Variants in BNC2 observed in about 807,000 individuals in gnomAD.
BNC2 encodes zinc finger protein basonuclin-2.
A neutral mutation model predicts 76.3 loss-of-function variants in BNC2; 20 were observed. The ratio of observed to expected loss-of-function variants is 0.26; its 90% confidence interval spans 0.18 to 0.38. BNC2 has a LOEUF of 0.38. Among genes scored for constraint, BNC2 ranks in the 10% least tolerant of loss-of-function variants. The probability of loss-of-function intolerance (pLI) is 1.00; values close to 1 mark genes in which losing one functional copy is unlikely to be tolerated. For missense variants in BNC2, 1,382 were observed against 1,399.8 expected, an observed-to-expected ratio of 0.99 and a Z score of 0.20; for synonymous variants, 582 against 514.8, an observed-to-expected ratio of 1.13 and a Z score of -1.77.
intron 3 of BNC2, among the ~76,000 whole-genome samples, chr9:16,597,164 A>C (rs1009400170): frequency 2.0e-5 from 3 of 152,176 alleles, no homozygotes; most frequent in African/African-American, 7.2e-5. Flanking sequence ...AATTCCAATA[A>C]TTCTGAACTA....
At chr9:16,709,119 T>C (rs189241188) in intron 3 of BNC2, among the ~76,000 whole-genome samples, 2 of 152,282 alleles carry the variant, frequency 1.3e-5, no homozygotes, top group East Asian at 3.9e-4. Context: ...GTAGTTCTGC[T>C]GTTCTTTCCG....
At chr9:16,472,132 T>C (rs1407123070) in intron 5 of BNC2, among the ~76,000 whole-genome samples, 2 of 152,186 alleles carry the variant, frequency 1.3e-5, no homozygotes, top group Non-Finnish European at 2.9e-5. Flanking sequence ...TAATACATGA[T>C]TTTCTTAAGA....
At chr9:16,423,074 G>A (rs754642806) in intron 6 of BNC2, among the ~76,000 whole-genome samples, 5 of 152,146 alleles carry the variant, frequency 3.3e-5, no homozygotes, top group Non-Finnish European at 7.3e-5. Context: ...GAAACAGGAG[G>A]GGGACTCCCT....
chr9:16,599,768 G>A (rs1267354439), intron 3 of BNC2, among the ~76,000 whole-genome samples: 1 of 152,188 alleles, frequency 6.6e-6, no homozygotes, highest in Non-Finnish European at 1.5e-5. Flanking sequence ...AGGCGAAAGA[G>A]CGAGTCTCCA....
rs149268003 is a variant in BNC2, at chr9:16,538,049, C to T, written c.669+14481G>A. ...TCTTTGATAATTTTGATACTCCAGA[C>T]GTCTCTTTGTCAAAGTTATCCTAAA... On this transcript the variant is annotated intron_variant, in intron 5 of 6. Transcript: ENST00000380672. Among the ~76,000 whole-genome samples the T allele has an allele frequency of 1.1e-4, 17 of 152,242 alleles. No individual in the cohort carries two copies. The East Asian group carries it at 2.3e-3, about 21-fold the overall frequency.
At chr9:16,675,765 C>G (rs549825295) in intron 3 of BNC2, among the ~76,000 whole-genome samples, 1 of 152,088 alleles carries the variant, frequency 6.6e-6, no homozygotes, top group African/African-American at 2.4e-5. Context: ...GGTTACATAA[C>G]TTAAGTAATT....
At chr9:16,507,677 T>A (rs1314257849) in intron 5 of BNC2, among the ~76,000 whole-genome samples, 1 of 152,222 alleles carries the variant, frequency 6.6e-6, no homozygotes, top group Non-Finnish European at 1.5e-5. Context: ...TCCGCCTGCC[T>A]TGGCTTCCCA....
chr9:16,573,861 C>T (rs536606337), intron 4 of BNC2, among the ~76,000 whole-genome samples: 15 of 152,138 alleles, frequency 9.9e-5, no homozygotes, highest in Admixed American at 3.3e-4. Context: ...ATATAAACAT[C>T]TACAAAGGCA....
chr9:16,591,459 C>T (rs1819926727), intron 3 of BNC2, among the ~76,000 whole-genome samples: 1 of 152,098 alleles, frequency 6.6e-6, no homozygotes, highest in African/African-American at 2.4e-5. Context: ...TTATTAACAA[C>T]CTAAAACGTC....
intron 5 of BNC2, among the ~76,000 whole-genome samples, chr9:16,502,140 A>G (rs1344380247): frequency 1.3e-5 from 2 of 152,038 alleles, no homozygotes; most frequent in Non-Finnish European, 2.9e-5. Context: ...AGATGGGAGG[A>G]TAACTTGAGG....
intron 2 of BNC2, among the ~76,000 whole-genome samples, chr9:16,732,434 A>G (rs1267337156): frequency 1.3e-5 from 2 of 152,238 alleles, no homozygotes; most frequent in Non-Finnish European, 2.9e-5. Context: ...TGATGAAAGC[A>G]TACATTTACT....
At position 16,801,743 on chromosome 9, in the gene BNC2, A is replaced by C. The variant is rs73649034; in HGVS notation, c.4-63258T>G. The stretch of plus-strand genomic sequence containing the variant: ...CACCCCCTTAAATTAAAAAAAAAAA[A>C]ACACACACACACAGAAAAAATAAAA... On this transcript the variant is annotated intron_variant, in intron 1 of 6. Coordinates refer to ENST00000380672, the MANE Select transcript of BNC2 (RefSeq NM_017637.6). Among the ~76,000 whole-genome samples the C allele has an allele frequency of 4.7e-3, 700 of 148,594 alleles. 4 individuals carry two copies. Among genetic ancestry groups the C allele is most frequent in the African/African-American group, 0.012 (485 of 40,552 alleles).
intron 5 of BNC2, among the ~76,000 whole-genome samples, chr9:16,513,435 T>G (rs144709916): frequency 0.021 from 3,125 of 150,864 alleles, 41 homozygotes; most frequent in Middle Eastern, 0.038. Context: ...GCCTCCCGAG[T>G]AGCTGGGGCT....
chr9:16,634,520 G>A (rs966142400), intron 3 of BNC2, among the ~76,000 whole-genome samples: 1 of 48,148 alleles, frequency 2.1e-5, no homozygotes, highest in Non-Finnish European at 4.2e-5. Context: ...TTTTTTTTTT[G>A]AGACAGAGTC....
intron 3 of BNC2, among the ~76,000 whole-genome samples, chr9:16,670,644 A>G (rs1243341338): frequency 6.6e-6 from 1 of 152,244 alleles, no homozygotes; most frequent in Non-Finnish European, 1.5e-5. Context: ...TCTGGTCCTA[A>G]TGGTGAATGA....
intron 5 of BNC2, among the ~76,000 whole-genome samples, chr9:16,450,684 T>C (rs1030131839): frequency 7.9e-5 from 12 of 152,226 alleles, no homozygotes; most frequent in African/African-American, 1.4e-4. Flanking sequence ...ATGTACACCA[T>C]ACAGTAACTC....
chr9:16,463,360 G>C (rs979628079), intron 5 of BNC2, among the ~76,000 whole-genome samples: 1 of 139,120 alleles, frequency 7.2e-6, no homozygotes, highest in African/African-American at 3.1e-5. Context: ...GCAGTGGCGG[G>C]ATCTCGGCTC....
chr9:16,460,886 T>C (rs1433960591), intron 5 of BNC2, among the ~76,000 whole-genome samples: 2 of 152,088 alleles, frequency 1.3e-5, no homozygotes, highest in African/African-American at 4.8e-5. Context: ...TGGTTGTTCA[T>C]ACAGATAATA....
At chr9:16,627,168 G>C (rs1033721609) in intron 3 of BNC2, among the ~76,000 whole-genome samples, 9 of 152,202 alleles carry the variant, frequency 5.9e-5, no homozygotes, top group African/African-American at 2.2e-4. Flanking sequence ...TATGTAGTGA[G>C]GCATGAACGG....
Sources: gnomAD v4.1 joint callset for allele counts (sites outside exome capture counted in the v4.1 genomes callset) on GRCh38, gnomAD v4.1.1 for gene constraint, MANE v1.5 for transcripts, NCBI Gene and HGNC (gene_info 2026-07-23, HGNC 2026-07-21) for gene names.